The following MAP7 variants were observed in gnomAD, a reference collection of about 807,000 sequenced individuals.
The protein encoded by MAP7 is ensconsin.
Under a neutral mutation model 94.8 loss-of-function variants are expected in MAP7, and 52 were observed. The ratio of observed to expected loss-of-function variants is 0.55; its 90% CI spans 0.44 to 0.69. The LOEUF is 0.69. Among genes scored for constraint, MAP7 ranks in the 30% least tolerant of loss-of-function variants. MAP7 has a pLI of 0.00. For missense variants in MAP7, 940 were observed against 964.6 expected, an observed-to-expected ratio of 0.97 and a Z score of 0.34; for synonymous variants, 350 against 357.0, an observed-to-expected ratio of 0.98 and a Z score of 0.22.
chr6:136,473,174 C>G (rs901654959), intron 1 of MAP7, among the ~76,000 whole-genome samples: 1 of 152,178 alleles, frequency 6.6e-6, no homozygotes, highest in East Asian at 1.9e-4. Context: ...AAGTACATCT[C>G]AATTCTCCCA....
intron 15 of MAP7, among the ~76,000 whole-genome samples, chr6:136,357,796 A>G (rs1318052962): frequency 2.0e-5 from 3 of 152,236 alleles, no homozygotes; most frequent in African/African-American, 7.2e-5. Context: ...CCTGGTCTGA[A>G]ATAATTTCAA....
At chr6:136,494,695 G>T (rs1047079342) in intron 1 of MAP7, among the ~76,000 whole-genome samples, 7 of 152,072 alleles carry the variant, frequency 4.6e-5, no homozygotes, top group Admixed American at 1.3e-4. Flanking sequence ...ATGTCTACAC[G>T]AGATGAAAGA....
intron 1 of MAP7, among the ~76,000 whole-genome samples, chr6:136,535,512 C>T (rs1198116701): frequency 3.2e-4 from 49 of 152,082 alleles, no homozygotes; most frequent in Non-Finnish European, 1.5e-5. Flanking sequence ...GTTCTGAAAC[C>T]AACCTAGAGG....
intron 1 of MAP7, among the ~76,000 whole-genome samples, chr6:136,445,903 A>G (rs1390646749): frequency 6.6e-6 from 1 of 152,200 alleles, no homozygotes; most frequent in African/African-American, 2.4e-5. Context: ...CACAATCAAC[A>G]CACAACACTT....
At chr6:136,382,402 C>T (rs1778051976) in intron 6 of MAP7, among the ~76,000 whole-genome samples, 1 of 152,144 alleles carries the variant, frequency 6.6e-6, no homozygotes, top group Non-Finnish European at 1.5e-5. Flanking sequence ...AAGTGACCAA[C>T]TGCAAAGAAA....
intron 1 of MAP7, among the ~76,000 whole-genome samples, chr6:136,464,020 T>A (rs1228236910): frequency 6.6e-6 from 1 of 152,202 alleles, no homozygotes; most frequent in Non-Finnish European, 1.5e-5. Flanking sequence ...GCTGCCCTCC[T>A]GCAGTGGCTG....
At chr6:136,498,669 G>A (rs1583072124) in intron 1 of MAP7, among the ~76,000 whole-genome samples, 1 of 152,082 alleles carries the variant, frequency 6.6e-6, no homozygotes, top group East Asian at 1.9e-4. Flanking sequence ...GAAGATGGAG[G>A]AGATGAAAGA....
chr6:136,501,101 ATAT>A (rs1819710058), intron 1 of MAP7, among the ~76,000 whole-genome samples: 1 of 152,226 alleles, frequency 6.6e-6, no homozygotes, highest in South Asian at 2.1e-4. Flanking sequence ...ATAAAGAATA[ATAT>A]TATTTCCAAA....
intron 16 of MAP7, among the ~76,000 whole-genome samples, chr6:136,352,350 GCTAA>G (rs904619301): frequency 1.3e-5 from 2 of 152,008 alleles, no homozygotes; most frequent in Non-Finnish European, 2.9e-5. Flanking sequence ...ACTGGGCCTG[GCTAA>G]CTTTTTGTAT....
intron 3 of MAP7, 92 bp downstream of exon 3, chr6:136,411,528 C>A: frequency 9.6e-7 from 1 of 1,040,792 alleles, no homozygotes; most frequent in Non-Finnish European, 1.4e-6. Flanking sequence ...GCCTCATAGT[C>A]CATCTGTAAA....
chr6:136,533,005 A>G (rs1299795859), intron 1 of MAP7, among the ~76,000 whole-genome samples: 1 of 152,142 alleles, frequency 6.6e-6, no homozygotes, highest in Non-Finnish European at 1.5e-5. Flanking sequence ...ACCTACTGAT[A>G]TACATGCCTG....
At position 136,365,759 on chromosome 6, in the gene MAP7, G is replaced by A. The variant is rs1477883412; in HGVS notation, c.1249C>T (p.Pro417Ser). 1.2e-6 allele frequency: 2 copies of A among 1,613,910 alleles called. No individual in the cohort carries two copies. The highest frequency in any genetic ancestry group is 1.3e-5 in the African/African-American group (1 of 74,878). The change falls in exon 10 of 18, where the codon CCT (proline) becomes TCT (serine). Residue 417 changes from proline (P) to serine (S), a missense_variant. Pro to Ser is a moderately conservative substitution (Grantham distance 74). Transcript: ENST00000354570. Reference protein sequence around the residue: ...VEEATVEERTPAEPEVGPAAP... With the variant: ...VEEATVEERTSAEPEVGPAAP... ...CCAGGGCCAACTTCTGGTTCAGCAG[G>A]TGTCCGCTCTTCAACTGTGGCTTCT... is the stretch of plus-strand genomic sequence containing the variant.
chr6:136,478,833 C>G (rs1327151632), intron 1 of MAP7, among the ~76,000 whole-genome samples: 1 of 151,530 alleles, frequency 6.6e-6, no homozygotes, highest in East Asian at 1.9e-4. Flanking sequence ...GCAAAGGACT[C>G]CATGGCTTTA....
intron 2 of MAP7, among the ~76,000 whole-genome samples, chr6:136,415,707 G>A (rs1017126174): frequency 2.4e-4 from 36 of 152,124 alleles, no homozygotes; most frequent in African/African-American, 6.0e-4. Context: ...AACAAACTGC[G>A]TCCTGTTTGG....
intron 3 of MAP7, among the ~76,000 whole-genome samples, chr6:136,391,555 AAACAACAAC>A (rs58864802): frequency 9.3e-5 from 14 of 149,750 alleles, no homozygotes; most frequent in African/African-American, 1.7e-4. Flanking sequence ...GTATAATAAA[AAACAACAAC>A]AACAACAACA....
intron 2 of MAP7, among the ~76,000 whole-genome samples, chr6:136,413,354 C>G (rs940636228): frequency 2.0e-5 from 3 of 151,992 alleles, no homozygotes. Flanking sequence ...AAAACCCTGT[C>G]TCTACTAAAA....
chr6:136,362,781 C>T, intron 10 of MAP7, 79 bp from the exon 11 acceptor site: 2 of 1,500,800 alleles, frequency 1.3e-6, no homozygotes, highest in Non-Finnish European at 1.8e-6. Context: ...TTCCCCACAT[C>T]CAAGGCCTAG....
intron 1 of MAP7, among the ~76,000 whole-genome samples, chr6:136,489,623 G>A (rs145827932): frequency 1.2e-3 from 175 of 150,974 alleles, no homozygotes; most frequent in Non-Finnish European, 1.8e-3. Context: ...TGCTTCCTGG[G>A]TTCAAGTGAG....
At chr6:136,395,493 A>T (rs1284198515) in intron 3 of MAP7, among the ~76,000 whole-genome samples, 1 of 137,048 alleles carries the variant, frequency 7.3e-6, no homozygotes, top group Non-Finnish European at 1.5e-5. Context: ...GTTTGCATAT[A>T]TTTTCTCCCA....
Sources: gnomAD v4.1 joint callset for allele counts (sites outside exome capture counted in the v4.1 genomes callset) on GRCh38, gnomAD v4.1.1 for gene constraint, MANE v1.5 for transcripts, NCBI Gene and HGNC (gene_info 2026-07-23, HGNC 2026-07-21) for gene names.